The following GRIA4 variants were observed in gnomAD, a reference collection of about 807,000 sequenced individuals.
The protein encoded by GRIA4 is glutamate ionotropic receptor AMPA type subunit 4.
Under a neutral mutation model 104.0 loss-of-function variants are expected in GRIA4, and 34 were observed. That is an observed-to-expected ratio of 0.33 (90% CI 0.25 to 0.44). GRIA4 has a LOEUF of 0.44. GRIA4 is among the 20% of genes least tolerant of loss of function. The pLI, the probability that GRIA4 is intolerant of heterozygous loss-of-function variation, is 1.00. For synonymous variants in GRIA4, 386 were observed against 381.9 expected, an observed-to-expected ratio of 1.01 and a Z score of -0.13; for missense variants, 750 against 1,096.5, an observed-to-expected ratio of 0.68 and a Z score of 4.46.
chr11:105,858,559 G>A (rs1945101923), intron 4 of GRIA4, among the ~76,000 whole-genome samples: 1 of 151,892 alleles, frequency 6.6e-6, no homozygotes, highest in Non-Finnish European at 1.5e-5. Context: ...ATAAATTATT[G>A]TTGACTTTAG....
intron 12 of GRIA4, among the ~76,000 whole-genome samples, chr11:105,926,394 T>C (rs117170235): frequency 0.035 from 5,384 of 152,248 alleles, 143 homozygotes; most frequent in Middle Eastern, 0.065. Flanking sequence ...TGCATCCTAA[T>C]TTCAGAGATG....
At chr11:105,728,321 TA>T (rs1305255557) in intron 3 of GRIA4, among the ~76,000 whole-genome samples, 1 of 152,216 alleles carries the variant, frequency 6.6e-6, no homozygotes, top group Non-Finnish European at 1.5e-5. Context: ...CAAGAAGAGC[TA>T]ATTATTCTAA....
chr11:105,788,276 G>C (rs1942063526), intron 4 of GRIA4, among the ~76,000 whole-genome samples: 1 of 152,092 alleles, frequency 6.6e-6, no homozygotes, highest in Non-Finnish European at 1.5e-5. Context: ...GGAGAAAAAG[G>C]TATGCTTATA....
chr11:105,797,599 G>C, intron 4 of GRIA4: 1 of 248,662 alleles, frequency 4.0e-6, no homozygotes, highest in South Asian at 3.8e-5. Flanking sequence ...CAAGACTGCA[G>C]TGTCCTTCCC....
At chr11:105,930,411 C>A (rs191283174) in intron 13 of GRIA4, among the ~76,000 whole-genome samples, 2 of 152,124 alleles carry the variant, frequency 1.3e-5, no homozygotes, top group East Asian at 3.9e-4. Context: ...GTGTACTAAA[C>A]CCTCTTATAT....
intron 4 of GRIA4, among the ~76,000 whole-genome samples, chr11:105,818,740 G>C (rs1943471038): frequency 6.6e-6 from 1 of 152,100 alleles, no homozygotes; most frequent in Non-Finnish European, 1.5e-5. Flanking sequence ...CAAGGAATAG[G>C]ACAGAAAAGG....
chr11:105,947,915 T>C (rs1348921268), intron 14 of GRIA4, among the ~76,000 whole-genome samples: 6 of 152,216 alleles, frequency 3.9e-5, no homozygotes, highest in Admixed American at 3.9e-4. Context: ...CAGCTTTGTA[T>C]CTTCACTTAG....
intron 4 of GRIA4, among the ~76,000 whole-genome samples, chr11:105,833,431 T>C (rs2135938835): frequency 6.6e-6 from 1 of 152,106 alleles, no homozygotes; most frequent in Non-Finnish European, 1.5e-5. Flanking sequence ...TAATGGAAGA[T>C]CTATAGATGA....
chr11:105,955,490 A>G (rs1948564587), intron 14 of GRIA4, among the ~76,000 whole-genome samples: 1 of 152,138 alleles, frequency 6.6e-6, no homozygotes, highest in Non-Finnish European at 1.5e-5. Flanking sequence ...TCTGTGGTAT[A>G]TATGTACCAT....
At chr11:105,654,397 T>G (rs1298248050) in intron 3 of GRIA4, among the ~76,000 whole-genome samples, 4 of 152,098 alleles carry the variant, frequency 2.6e-5, no homozygotes, top group Admixed American at 6.6e-5. Context: ...GTTCATTAAC[T>G]CAATCTGGCC....
At chr11:105,650,209 T>G (rs914504463) in intron 3 of GRIA4, among the ~76,000 whole-genome samples, 1 of 152,194 alleles carries the variant, frequency 6.6e-6, no homozygotes, top group African/African-American at 2.4e-5. Context: ...AAATACTTTC[T>G]TTTATTGGTT....
intron 4 of GRIA4, among the ~76,000 whole-genome samples, chr11:105,830,250 T>C (rs539731999): frequency 1.8e-4 from 27 of 152,058 alleles, no homozygotes; most frequent in African/African-American, 2.6e-4. Context: ...TGGAATAAAA[T>C]AGGAACCATG....
At chr11:105,826,214 T>C (rs1943765032) in intron 4 of GRIA4, among the ~76,000 whole-genome samples, 1 of 151,676 alleles carries the variant, frequency 6.6e-6, no homozygotes, top group Admixed American at 6.6e-5. Flanking sequence ...GAGAGAGAGG[T>C]TGCAGGGAGA....
At chr11:105,824,608 A>G (rs1285181332) in intron 4 of GRIA4, 1 of 152,230 alleles carries the variant, frequency 6.6e-6, no homozygotes, top group African/African-American at 2.4e-5. Context: ...TGGAGTTAAT[A>G]ATTGCCTCAC....
At chr11:105,824,287 A>C (rs1382059361) in intron 4 of GRIA4, among the ~76,000 whole-genome samples, 1 of 152,052 alleles carries the variant, frequency 6.6e-6, no homozygotes, top group Non-Finnish European at 1.5e-5. Flanking sequence ...TCTCAATGGC[A>C]ACCACTTTCA....
intron 3 of GRIA4, among the ~76,000 whole-genome samples, chr11:105,752,447 C>A (rs1940057898): frequency 6.6e-6 from 1 of 151,992 alleles, no homozygotes; most frequent in African/African-American, 2.4e-5. Flanking sequence ...ATTGCCACAG[C>A]AAGCAAATAA....
intron 4 of GRIA4, among the ~76,000 whole-genome samples, chr11:105,827,928 A>G (rs111777828): frequency 0.019 from 2,960 of 152,186 alleles, 109 homozygotes; most frequent in African/African-American, 0.068. Context: ...TGTTTCTGGT[A>G]TAAAGTAGAA....
At chr11:105,654,380 A>G (rs1255271510) in intron 3 of GRIA4, among the ~76,000 whole-genome samples, 2 of 152,126 alleles carry the variant, frequency 1.3e-5, no homozygotes, top group East Asian at 3.8e-4. Context: ...ATGTAATGTA[A>G]CGCTATGTTC....
chr11:105,915,914 C>T (rs627918), intron 10 of GRIA4, among the ~76,000 whole-genome samples: 12,918 of 152,070 alleles, frequency 0.085, 609 homozygotes, highest in African/African-American at 0.11. Flanking sequence ...CCAAACTCAG[C>T]GGCTCACACC....
Sources: allele counts gnomAD v4.1 joint callset (sites outside exome capture counted in the v4.1 genomes callset), GRCh38; gene constraint gnomAD v4.1.1; transcripts MANE v1.5; gene names NCBI Gene and HGNC (gene_info 2026-07-23, HGNC 2026-07-21).